The following PREX2 variants were observed in gnomAD, a reference collection of about 807,000 sequenced individuals.
PREX2 encodes phosphatidylinositol 3,4,5-trisphosphate-dependent Rac exchanger 2 protein.
A neutral mutation model predicts 203.2 loss-of-function variants in PREX2; 107 were observed. The ratio of observed to expected loss-of-function variants is 0.53; its 90% confidence interval spans 0.45 to 0.62. The LOEUF is 0.62. Among genes scored for constraint, PREX2 ranks in the 20% least tolerant of loss-of-function variants. The pLI is 0.00. For synonymous variants in PREX2, 672 were observed against 663.6 expected, an observed-to-expected ratio of 1.01 and a Z score of -0.19; for missense variants, 1,777 against 1,955.9, an observed-to-expected ratio of 0.91 and a Z score of 1.72.
At chr8:68,039,321 G>A (rs1349878053) in intron 7 of PREX2, among the ~76,000 whole-genome samples, 1 of 152,020 alleles carries the variant, frequency 6.6e-6, no homozygotes, top group African/African-American at 2.4e-5. Flanking sequence ...TGCTCTTTAA[G>A]GTTTTGTTTG....
At chr8:68,192,271 C>T in intron 36 of PREX2, 64 bp from the exon 37 acceptor site, 1 of 1,296,328 alleles carries the variant, frequency 7.7e-7, no homozygotes, top group Non-Finnish European at 1.1e-6. Context: ...ACAGCTATAC[C>T]AACCTATCTA....
At chr8:68,057,884 G>A (rs1289482028) in intron 10 of PREX2, among the ~76,000 whole-genome samples, 3 of 152,204 alleles carry the variant, frequency 2.0e-5, no homozygotes, top group Admixed American at 2.0e-4. Flanking sequence ...CCAGGGTCAA[G>A]TTTGTTCTTA....
intron 38 of PREX2, among the ~76,000 whole-genome samples, chr8:68,218,230 G>A (rs1812883107): frequency 6.6e-6 from 1 of 152,074 alleles, no homozygotes; most frequent in Admixed American, 6.5e-5. Context: ...AGCAGTCTTT[G>A]GACTGTCTTC....
intron 1 of PREX2, among the ~76,000 whole-genome samples, chr8:67,977,169 C>T (rs773947094): frequency 8.5e-5 from 13 of 152,090 alleles, no homozygotes; most frequent in East Asian, 1.9e-4. Context: ...AGGATTAGTA[C>T]GCTTATAAAA....
chr8:67,962,012 T>C (rs1805646618), intron 1 of PREX2, among the ~76,000 whole-genome samples: 1 of 152,200 alleles, frequency 6.6e-6, no homozygotes, highest in South Asian at 2.1e-4. Flanking sequence ...TTCTCTGGTC[T>C]TACAGTGAAA....
intron 38 of PREX2, among the ~76,000 whole-genome samples, chr8:68,219,596 G>A (rs1421972424): frequency 6.6e-6 from 1 of 152,020 alleles, no homozygotes; most frequent in African/African-American, 2.4e-5. Context: ...TTGTTCCTCT[G>A]CCCCAAGTTG....
At chr8:68,046,904 A>G (rs1394633729) in intron 8 of PREX2, among the ~76,000 whole-genome samples, 3 of 152,060 alleles carry the variant, frequency 2.0e-5, no homozygotes, top group African/African-American at 7.2e-5. Context: ...GGGGAATTGA[A>G]TAATAGAAAT....
chr8:68,067,486 C>T (rs4406377), intron 11 of PREX2, among the ~76,000 whole-genome samples: 74,393 of 151,436 alleles, frequency 0.49, 18,487 homozygotes, highest in Non-Finnish European at 0.55. Context: ...AGTGTTACAT[C>T]TTATTTTTTT....
At chr8:67,967,174 A>G (rs1805801000) in intron 1 of PREX2, among the ~76,000 whole-genome samples, 2 of 152,198 alleles carry the variant, frequency 1.3e-5, no homozygotes, top group Admixed American at 1.3e-4. Flanking sequence ...GAAAGTGCCA[A>G]TTGATTTCTT....
chr8:67,964,990 A>G (rs1338921827), intron 1 of PREX2, among the ~76,000 whole-genome samples: 3 of 152,206 alleles, frequency 2.0e-5, no homozygotes, highest in South Asian at 4.1e-4. Flanking sequence ...ATTAATCAGG[A>G]CTAGGAAAAC....
intron 1 of PREX2, among the ~76,000 whole-genome samples, chr8:67,966,615 C>T (rs971685250): frequency 2.6e-5 from 4 of 151,844 alleles, no homozygotes; most frequent in African/African-American, 9.7e-5. Context: ...AAACAAACAA[C>T]AAAAAACAAC....
At chr8:68,156,161 A>C (rs1811540066) in intron 34 of PREX2, among the ~76,000 whole-genome samples, 1 of 152,136 alleles carries the variant, frequency 6.6e-6, no homozygotes, top group Non-Finnish European at 1.5e-5. Flanking sequence ...CCTGGGCTCA[A>C]GTTATCTTCC....
intron 1 of PREX2, among the ~76,000 whole-genome samples, chr8:67,967,760 T>G (rs552865652): frequency 6.6e-6 from 1 of 152,252 alleles, no homozygotes; most frequent in South Asian, 2.1e-4. Flanking sequence ...TTTTTCTTAT[T>G]TAAGGCCTTT....
At chr8:68,068,977 T>C (rs1809103031) in intron 11 of PREX2, 56 bp from the exon 12 acceptor site, 4 of 681,680 alleles carry the variant, frequency 5.9e-6, no homozygotes, top group Admixed American at 3.3e-5. Context: ...TATTTGCTGT[T>C]TATCTGCCCC....
chr8:68,065,741 G>A lies in PREX2; in HGVS notation c.1340-3292G>A, dbSNP rs556325636. ...GCAAATTATCTCTTCTACAAATGTTGCATTCCCTGTAAAGAAAATATTTAA... is the reference window on the plus strand; with the variant it reads ...GCAAATTATCTCTTCTACAAATGTTACATTCCCTGTAAAGAAAATATTTAA... On this transcript the variant is annotated intron_variant, in intron 11 of 39. Transcript: ENST00000288368. 9.9e-5 allele frequency among the ~76,000 whole-genome samples: 15 copies of A among 152,194 alleles called. No individual in the cohort carries two copies. In the South Asian group the frequency reaches 2.7e-3, roughly 27 times the overall value.
chr8:67,989,776 A>G (rs552371454), intron 1 of PREX2, among the ~76,000 whole-genome samples: 1 of 152,332 alleles, frequency 6.6e-6, no homozygotes, highest in East Asian at 1.9e-4. Context: ...AAGTGTATCT[A>G]AATAAGCATT....
intron 33 of PREX2, among the ~76,000 whole-genome samples, chr8:68,142,018 G>A (rs1024120173): frequency 2.0e-5 from 3 of 151,996 alleles, no homozygotes; most frequent in African/African-American, 7.2e-5. Flanking sequence ...TGAGAGGAAG[G>A]TACAGAGATT....
intron 1 of PREX2, among the ~76,000 whole-genome samples, chr8:68,004,559 A>T (rs946942894): frequency 2.0e-5 from 3 of 152,238 alleles, no homozygotes; most frequent in African/African-American, 7.2e-5. Flanking sequence ...CTTGCCACTG[A>T]TAAAAGGACC....
At chr8:68,040,315 C>T (rs994549384) in intron 7 of PREX2, among the ~76,000 whole-genome samples, 7 of 152,212 alleles carry the variant, frequency 4.6e-5, no homozygotes, top group East Asian at 1.9e-4. Flanking sequence ...CGTGAGCCAC[C>T]GTGCTTGGCC....
Sources: allele counts gnomAD v4.1 joint callset (sites outside exome capture counted in the v4.1 genomes callset), GRCh38; gene constraint gnomAD v4.1.1; transcripts MANE v1.5; gene names NCBI Gene and HGNC (gene_info 2026-07-23, HGNC 2026-07-21).